CCDC178: variants seen among roughly 807,000 people sequenced by gnomAD.
CCDC178 encodes the protein coiled-coil domain containing 178, also known as coiled-coil domain-containing protein 178.
A neutral mutation model predicts 117.4 loss-of-function variants in CCDC178; 126 were observed. That is an observed-to-expected ratio of 1.07 (90% CI 0.93 to 1.24). The LOEUF (loss-of-function observed/expected upper bound fraction) is 1.24, where lower values mean the gene tolerates loss of function less well. CCDC178 is among the 50% of genes most tolerant of loss of function. The pLI is 0.00. For synonymous variants in CCDC178, 283 were observed against 313.4 expected (o/e 0.90, Z 1.02); for missense variants, 1,030 against 986.9 (o/e 1.04, Z -0.59).
chr18:33,260,926 C>T (rs1420878979), intron 14 of CCDC178, among the ~76,000 whole-genome samples: 1 of 151,996 alleles, frequency 6.6e-6, no homozygotes, highest in Non-Finnish European at 1.5e-5. Flanking sequence ...GTCTTTTTAC[C>T]CTAACATGAG....
At chr18:33,304,396 G>A (rs779294984) in intron 11 of CCDC178, among the ~76,000 whole-genome samples, 2 of 152,116 alleles carry the variant, frequency 1.3e-5, no homozygotes, top group Non-Finnish European at 2.9e-5. Flanking sequence ...CTCAATACAT[G>A]GCAGCTTGAT....
intron 3 of CCDC178, among the ~76,000 whole-genome samples, chr18:33,400,096 A>T (rs1445415923): frequency 2.2e-5 from 3 of 137,724 alleles, no homozygotes; most frequent in Non-Finnish European, 1.6e-5. Context: ...TTTTAAAGAA[A>T]TTTTTTTTTT....
intron 9 of CCDC178, among the ~76,000 whole-genome samples, chr18:33,338,922 T>C (rs1409271742): frequency 1.3e-5 from 2 of 152,076 alleles, no homozygotes; most frequent in African/African-American, 4.8e-5. Context: ...TAGTAAAATA[T>C]AATTAAATTA....
At chr18:33,347,126 C>A (rs2062906922) in intron 8 of CCDC178, among the ~76,000 whole-genome samples, 2 of 152,038 alleles carry the variant, frequency 1.3e-5, no homozygotes, top group Admixed American at 1.3e-4. Context: ...GTAAAGAAGA[C>A]AGATATGAGT....
At chr18:32,939,307 A>C (rs1185568099) in intron 22 of CCDC178, among the ~76,000 whole-genome samples, 4 of 151,962 alleles carry the variant, frequency 2.6e-5, no homozygotes, top group Admixed American at 1.3e-4. Context: ...TTCTTCTAGG[A>C]ATAGGAACAT....
Position 33,263,970 on chromosome 18 carries a change from TAAG to T in CCDC178, c.1409+2943_1409+2945del, listed in dbSNP as rs997796095. Among the ~76,000 whole-genome samples the T allele has an allele frequency of 9.9e-5, 15 of 151,926 alleles. No individual in the cohort carries two copies. In the South Asian group the frequency reaches 1.7e-3, roughly 17 times the overall value. ...GGCACTGAAGCATGAGCTAGAAGAA[TAAG>T]AAGTAGAAGCAAATTACAAAGACTA... On this transcript the variant is annotated intron_variant, in intron 14 of 22. Transcript: ENST00000383096.
intron 20 of CCDC178, among the ~76,000 whole-genome samples, chr18:33,167,335 G>C (rs545680976): frequency 1.3e-5 from 2 of 152,086 alleles, no homozygotes; most frequent in African/African-American, 4.8e-5. Context: ...TTGAGAAATT[G>C]CCAAACTGCT....
chr18:33,375,654 G>T (rs559991643), intron 5 of CCDC178, among the ~76,000 whole-genome samples: 2 of 152,214 alleles, frequency 1.3e-5, no homozygotes, highest in Non-Finnish European at 2.9e-5. Context: ...ACATTTGTAT[G>T]ATCAGACATA....
At chr18:32,981,149 T>C (rs1487032957) in intron 21 of CCDC178, among the ~76,000 whole-genome samples, 1 of 152,098 alleles carries the variant, frequency 6.6e-6, no homozygotes, top group Non-Finnish European at 1.5e-5. Flanking sequence ...TTTGAAACCA[T>C]CTTAAGCAAC....
chr18:33,334,740 C>T (rs961543906), intron 9 of CCDC178, among the ~76,000 whole-genome samples: 4 of 151,938 alleles, frequency 2.6e-5, no homozygotes, highest in Admixed American at 6.6e-5. Context: ...TTTCTTTTCT[C>T]TAAGATGTTG....
intron 21 of CCDC178, among the ~76,000 whole-genome samples, chr18:33,081,868 A>G (rs978107462): frequency 1.3e-5 from 2 of 152,186 alleles, no homozygotes; most frequent in Admixed American, 1.3e-4. Flanking sequence ...GGAAAAGTAC[A>G]AGGTTGTAAA....
intron 22 of CCDC178, chr18:32,953,953 C>T (rs1270132531): frequency 6.6e-6 from 1 of 152,058 alleles, no homozygotes; most frequent in South Asian, 2.1e-4. Flanking sequence ...TGGATTCATA[C>T]AATTTCTTGA....
intron 6 of CCDC178, among the ~76,000 whole-genome samples, chr18:33,365,591 A>G (rs752898384): frequency 3.9e-5 from 6 of 152,092 alleles, no homozygotes; most frequent in Non-Finnish European, 5.9e-5. Flanking sequence ...TTTGGTAATC[A>G]TTTTATAAAT....
At chr18:33,002,023 T>G (rs2055646405) in intron 21 of CCDC178, among the ~76,000 whole-genome samples, 1 of 152,162 alleles carries the variant, frequency 6.6e-6, no homozygotes, top group African/African-American at 2.4e-5. Context: ...CATCCAGATA[T>G]GTAAAGCAAA....
intron 11 of CCDC178, among the ~76,000 whole-genome samples, chr18:33,316,536 G>A (rs868120172): frequency 2.0e-5 from 3 of 152,024 alleles, no homozygotes; most frequent in Non-Finnish European, 4.4e-5. Context: ...GCTGGATGGC[G>A]CCCGGAGAGC....
Position 32,938,084 on chromosome 18 carries a change from G to T in CCDC178, c.2531C>A (p.Ser844Tyr), listed in dbSNP as rs2054159191. Residue 844 changes from serine (S) to tyrosine (Y), a missense_variant, in exon 23 of 23, where the codon TCT becomes TAT. By Grantham distance (144) the Ser-to-Tyr change is moderately radical. Transcript: ENST00000383096. ...TAAGATGTGTTGCATTAAATTTGAA[G>T]ATTCCTCCTGTTCAGAAGCAAGAAA... ...IQKILAVQEE[S>Y]SNLMQHILGF... 1.2e-6 allele frequency: 2 copies of T among 1,611,910 alleles called. No individual in the cohort carries two copies. The highest frequency in any genetic ancestry group is 1.7e-5 in the Admixed American group (1 of 59,946).
chr18:32,994,485 T>A (rs1866282670), intron 21 of CCDC178, among the ~76,000 whole-genome samples: 1 of 152,200 alleles, frequency 6.6e-6, no homozygotes, highest in African/African-American at 2.4e-5. Flanking sequence ...TCTGGACCTA[T>A]ATTATTAAGT....
intron 8 of CCDC178, among the ~76,000 whole-genome samples, chr18:33,348,190 A>G (rs975428051): frequency 3.9e-5 from 6 of 151,988 alleles, no homozygotes; most frequent in Non-Finnish European, 7.4e-5. Context: ...GAAAGCTTTG[A>G]AAAACAAAAT....
intron 22 of CCDC178, 137 bp from the exon 23 acceptor site, chr18:32,938,228 A>G (rs2054163018): frequency 3.1e-6 from 2 of 642,446 alleles, no homozygotes; most frequent in Non-Finnish European, 5.5e-6. Context: ...TCTCCTTTAT[A>G]GGAGACAAAC....
Sources: gnomAD v4.1 joint callset for allele counts (sites outside exome capture counted in the v4.1 genomes callset) on GRCh38, gnomAD v4.1.1 for gene constraint, MANE v1.5 for transcripts, NCBI Gene and HGNC (gene_info 2026-07-23, HGNC 2026-07-21) for gene names.